CREB3: variants seen among roughly 807,000 people sequenced by gnomAD.
The protein encoded by CREB3 is cAMP responsive element binding protein 3.
A neutral mutation model predicts 34.5 loss-of-function variants in CREB3; 29 were observed. The observed-to-expected ratio is 0.84, with a 90% CI of 0.63 to 1.15. CREB3 has a LOEUF of 1.15. CREB3 is among the 50% of genes most tolerant of loss of function. CREB3 has a pLI of 0.00. For missense variants in CREB3, 447 were observed against 443.4 expected (o/e 1.01, Z -0.07); for synonymous variants, 187 against 173.9 (o/e 1.08, Z -0.59).
intron 6 of CREB3, 103 bp downstream of exon 6, chr9:35,735,477 A>G: frequency 9.9e-7 from 1 of 1,013,912 alleles, no homozygotes; most frequent in Non-Finnish European, 1.5e-6. Context: ...AGCTGCCTTC[A>G]CTAGGTCTCT....
intron 3 of CREB3, 46 bp downstream of exon 3, chr9:35,733,328 G>C (rs775887272): frequency 5.9e-5 from 95 of 1,612,034 alleles, no homozygotes; most frequent in Non-Finnish European, 7.6e-5. Context: ...TTCCCCAGGT[G>C]GGGGCAGGAT....
rs1171128249 is a variant in CREB3, at chr9:35,732,922, G to C, written c.129+21G>C. ...CTGAGGTAGGTTGGGGTTCTGACTG[G>C]GGAAAGCGTGGGATGTCCATGAAGT... On this transcript the variant is annotated intron_variant, in intron 1 of 8. Coordinates refer to ENST00000353704, the MANE Select transcript of CREB3 (RefSeq NM_006368.5). The surrounding 1 kb of genome is among the most constrained non-coding windows in gnomAD (Gnocchi z 5.1). 2 of 1,613,032 alleles carry C rather than the reference G, an allele frequency of 1.2e-6. No homozygotes were observed. The highest frequency in any genetic ancestry group is 1.7e-6 in the Non-Finnish European group (2 of 1,179,324).
chr9:35,733,785 T>C (rs1364884297), intron 4 of CREB3, among the ~76,000 whole-genome samples: 2 of 152,182 alleles, frequency 1.3e-5, no homozygotes, highest in East Asian at 1.9e-4. Context: ...TGACACTTCG[T>C]TGGCTTCATA....
In CREB3 at chr9:35,736,292, C is replaced by G. The variant is rs1443035359; in HGVS notation, c.762C>G (p.Ser254Arg). Residue 254 changes from serine (S) to arginine (R), a missense_variant, in exon 8 of 9, where the codon AGC becomes AGG. Coordinates refer to ENST00000353704, the MANE Select transcript of CREB3 (RefSeq NM_006368.5). ...TGTACTCCTCTGACACAAGGGGGAGCCTGCCAGCTGAGCATGGAGGTAAGA... is the reference window on the plus strand; with the variant it reads ...TGTACTCCTCTGACACAAGGGGGAGGCTGCCAGCTGAGCATGGAGGTAAGA... Reference protein sequence around the residue: ...PAMYSSDTRGSLPAEHGVLSR... With the variant: ...PAMYSSDTRGRLPAEHGVLSR... 1 of 1,614,088 alleles carries G rather than the reference C, an allele frequency of 6.2e-7. No homozygotes were observed. The highest frequency in any genetic ancestry group is 8.5e-7 in the Non-Finnish European group (1 of 1,179,994).
Position 35,735,218 on chromosome 9 carries a change from A to G in CREB3, c.542+3A>G. On this transcript the variant is annotated splice_donor_region_variant and intron_variant, in intron 5 of 8. Coordinates refer to ENST00000353704, the MANE Select transcript of CREB3 (RefSeq NM_006368.5). ...TATGTTGGGGGTTTAGAGAGCAGGT[A>G]TGAAAGGGAGAGGGACTCTGTTGTA... 2 of 1,612,826 alleles carry G rather than the reference A, an allele frequency of 1.2e-6. No homozygotes were observed. The highest frequency in any genetic ancestry group is 1.7e-6 in the Non-Finnish European group (2 of 1,179,438).
rs367586693 is a variant in CREB3 at position 35,736,319 on chromosome 9, G to C, written c.781+8G>C. On this transcript the variant is annotated splice_region_variant and intron_variant, in intron 8 of 8. Transcript: ENST00000353704. ...TGCCAGCTGAGCATGGAGGTAAGAG[G>C]CTTAAGGATAGCTCTCAGACAGGGC... 1.2e-6 allele frequency: 2 copies of C among 1,613,948 alleles called. No individual in the cohort carries two copies. Among genetic ancestry groups the C allele is most frequent in the Non-Finnish European group, 1.7e-6 (2 of 1,179,910 alleles).
chr9:35,735,245 G>T, intron 5 of CREB3, 30 bp downstream of exon 5: 1 of 1,612,892 alleles, frequency 6.2e-7, no homozygotes. Context: ...TCTGTTGTAA[G>T]TATTAGGTTT....
chr9:35,736,603 C>T lies in CREB3; in HGVS notation c.993C>T (p.Asp331=). Residue 331 remains aspartate, a synonymous_variant, in exon 9 of 9, where the codon GAC becomes GAT. Coordinates refer to ENST00000353704, the MANE Select transcript of CREB3 (RefSeq NM_006368.5). The stretch of plus-strand genomic sequence containing the variant: ...CTCCCCTGGAGTGGCCATTCCCTGA[C>T]CTCTTCTCAGAGCCTCTCTGCCGAG... ...AEPPLEWPFP[D]LFSEPLCRGP... is the part of the protein sequence containing the mutation. 6.2e-7 allele frequency: 1 copy of T among 1,614,094 alleles called. No individual in the cohort carries two copies.
At position 35,736,420 on chromosome 9, in the gene CREB3, C is replaced by T. The variant is rs899670030; in HGVS notation, c.810C>T (p.Pro270=). Residue 270 remains proline, a synonymous_variant, in exon 9 of 9, where the codon CCC becomes CCT. Transcript: ENST00000353704. ...GVLSRQLRAL[P]SEDPYQLELP... ...TGTCCCGCCAGCTTCGTGCCCTCCC[C>T]AGTGAGGACCCTTACCAGCTGGAGC... 4 of 1,614,104 alleles carry T rather than the reference C, an allele frequency of 2.5e-6. No homozygotes were observed. Among genetic ancestry groups the T allele is most frequent in the Non-Finnish European group, 1.7e-6 (2 of 1,180,040 alleles).
In CREB3 at chr9:35,732,797, G is replaced by C. The variant is rs768642966; in HGVS notation, c.25G>C (p.Asp9His). MELELDAG[D>H]QDLLAFLLEE... ...AATGGAGCTGGAATTGGATGCTGGT[G>C]ACCAAGACCTGCTGGCCTTCCTGCT... The change falls in exon 1 of 9, where the codon GAC (aspartate) becomes CAC (histidine). Residue 9 changes from aspartate (D) to histidine (H), a missense_variant. Physicochemically the swap from Asp to His is moderately conservative, Grantham distance 81. Coordinates refer to ENST00000353704, the MANE Select transcript of CREB3 (RefSeq NM_006368.5). This position sits in a 1 kb window ranked among gnomAD's most constrained non-coding sequence, Gnocchi z 5.1. 5.0e-6 allele frequency: 8 copies of C among 1,613,556 alleles called. No homozygotes were observed. The highest frequency in any genetic ancestry group is 6.8e-6 in the Non-Finnish European group (8 of 1,179,792).
chr9:35,736,998 A>G lies in CREB3; in HGVS notation c.*272A>G. ...AGGAAAGAAATAAATAAGTGATTCT[A>G]ATGCTGCCTAGGTCACCCTCAACCC... On this transcript the variant is annotated 3_prime_UTR_variant, in exon 9 of 9. Transcript: ENST00000353704. 1 of 1,011,846 alleles carries G rather than the reference A, an allele frequency of 9.9e-7. No homozygotes were observed. Among genetic ancestry groups the G allele is most frequent in the Non-Finnish European group, 1.4e-6 (1 of 707,660 alleles). The allele number at this position is 1,011,846 out of a possible 1,614,324, so 62.7% of individuals were successfully genotyped here. A position where few individuals can be genotyped will look rare whatever the true frequency, so the allele number is the denominator to read the frequency against.
chr9:35,735,261 G>A, intron 5 of CREB3, 45 bp from the exon 6 acceptor site: 1 of 1,608,396 alleles, frequency 6.2e-7, no homozygotes, highest in South Asian at 1.1e-5. Flanking sequence ...GGTTTTTGAA[G>A]GGAGGATACA....
rs1487260248 is a variant in CREB3, at chr9:35,733,026, C to T, written c.160C>T (p.Leu54=). ...GAGCGACTGGGAAGTAGATGATTTGCTGTGCTCCCTGCTGAGTCCCCCAGC... is the reference window on the plus strand; with the variant it reads ...GAGCGACTGGGAAGTAGATGATTTGTTGTGCTCCCTGCTGAGTCCCCCAGC... The part of the protein sequence containing the change: ...VPSDWEVDDL[L]CSLLSPPASL... Residue 54 remains leucine, a synonymous_variant, in exon 2 of 9, where the codon CTG becomes TTG. Transcript: ENST00000353704. 2 of 1,614,232 alleles carry T rather than the reference C, an allele frequency of 1.2e-6. No individual in the cohort carries two copies. Among genetic ancestry groups the T allele is most frequent in the Non-Finnish European group, 1.7e-6 (2 of 1,180,036 alleles).
intron 6 of CREB3, 38 bp downstream of exon 6, chr9:35,735,412 T>C: frequency 3.9e-6 from 6 of 1,548,450 alleles, no homozygotes; most frequent in Non-Finnish European, 5.4e-6. Context: ...CCTATGCCCC[T>C]CATTTAATGC....
Position 35,733,494 on chromosome 9 carries a change from C to G in CREB3, c.435+9C>G. On this transcript the variant is annotated intron_variant, in intron 4 of 8. Coordinates refer to ENST00000353704, the MANE Select transcript of CREB3 (RefSeq NM_006368.5). ...CACTTCCTCTCACTAAGGTAAGACT[C>G]TCATTGGTTGAACAAAGGCTGAAAA... is the stretch of plus-strand genomic sequence containing the variant. The G allele has an allele frequency of 6.3e-7, 1 of 1,599,604 alleles. No individual in the cohort carries two copies.
In CREB3 at chr9:35,736,290, A is replaced by G. The variant is rs1201236895; in HGVS notation, c.760A>G (p.Ser254Gly). The change falls in exon 8 of 9, where the codon AGC becomes GGC. Residue 254 changes from serine (S) to glycine (G), a missense_variant. Ser to Gly is a moderately conservative substitution (Grantham distance 56). Transcript: ENST00000353704. ...PAMYSSDTRG[S>G]LPAEHGVLSR... ...TATGTACTCCTCTGACACAAGGGGG[A>G]GCCTGCCAGCTGAGCATGGAGGTAA... 3.7e-6 allele frequency: 6 copies of G among 1,613,752 alleles called. No homozygotes were observed. The highest frequency in any genetic ancestry group is 1.6e-4 in the Middle Eastern group (1 of 6,084).
Position 35,733,599 on chromosome 9 carries a change from G to A in CREB3, c.435+114G>A, listed in dbSNP as rs370091609. 44 of 721,416 alleles carry A rather than the reference G, an allele frequency of 6.1e-5. No homozygotes were observed. In the East Asian group the frequency reaches 6.2e-4, roughly 10 times the overall value. 44.7% of individuals were successfully genotyped at this position (721,416 alleles called of 1,614,324 possible). A position where few individuals can be genotyped will look rare whatever the true frequency, so the allele number is the denominator to read the frequency against. ...AAAAAGGATTGAGGTGAGAAACTTA[G>A]TAGATTTATTGCTAATAGGAAGTTG... On this transcript the variant is annotated intron_variant, in intron 4 of 8. Transcript: ENST00000353704.
At chr9:35,734,664 GC>G (rs1405423169) in intron 4 of CREB3, among the ~76,000 whole-genome samples, 1 of 152,156 alleles carries the variant, frequency 6.6e-6, no homozygotes, top group Non-Finnish European at 1.5e-5. Context: ...CGAGATCATG[GC>G]TCACTACAGC....
rs1826132974 is a variant in CREB3, at chr9:35,733,460, T to G, written c.410T>G (p.Leu137Arg). ...KSLLEKEGLI[L>R]PETLPLTKTE... is the part of the protein sequence containing the mutation. ...CTATTGGAGAAGGAGGGGCTTATTCTGCCTGAGACACTTCCTCTCACTAAG... is the reference window on the plus strand; with the variant it reads ...CTATTGGAGAAGGAGGGGCTTATTCGGCCTGAGACACTTCCTCTCACTAAG... Residue 137 changes from leucine to arginine, a missense_variant, in exon 4 of 9, where the codon CTG (leucine) becomes CGG (arginine). Leu to Arg is a moderately radical substitution (Grantham distance 102). Transcript: ENST00000353704. The G allele has an allele frequency of 6.2e-7, 1 of 1,613,306 alleles. No individual in the cohort carries two copies. The highest frequency in any genetic ancestry group is 8.5e-7 in the Non-Finnish European group (1 of 1,179,202).
Sources: gnomAD v4.1 joint callset for allele counts (sites outside exome capture counted in the v4.1 genomes callset) on GRCh38, gnomAD v4.1.1 for gene constraint, Gnocchi (gnomAD v3.1) non-coding constraint, MANE v1.5 for transcripts, NCBI Gene and HGNC (gene_info 2026-07-23, HGNC 2026-07-21) for gene names.